RBFOX1: variants seen among roughly 807,000 people sequenced by gnomAD.
RBFOX1 encodes the protein RNA binding fox-1 homolog 1.
Under a neutral mutation model 57.7 loss-of-function variants are expected in RBFOX1, and 8 were observed. That is an observed-to-expected ratio of 0.14 (90% CI 0.08 to 0.25). The LOEUF (loss-of-function observed/expected upper bound fraction) is 0.25. RBFOX1 is among the 10% of genes least tolerant of loss of function. The pLI is 1.00. For missense variants in RBFOX1, 611 were observed against 548.5 expected (o/e 1.11, Z -1.14); for synonymous variants, 326 against 222.4 (o/e 1.47, Z -4.15).
intron 3 of RBFOX1, among the ~76,000 whole-genome samples, chr16:6,980,549 A>G (rs965012876): frequency 6.6e-6 from 1 of 152,366 alleles, no homozygotes; most frequent in South Asian, 2.1e-4. Flanking sequence ...CTAACATTTG[A>G]CATGAGAATC....
At chr16:5,460,703 G>A (rs1034041466) in intron 1 of RBFOX1, among the ~76,000 whole-genome samples, 1 of 152,208 alleles carries the variant, frequency 6.6e-6, no homozygotes, top group Non-Finnish European at 1.5e-5. Context: ...AGGGCTGACT[G>A]CTGTTTCCTC....
At chr16:6,382,635 A>G (rs191627419) in intron 2 of RBFOX1, among the ~76,000 whole-genome samples, 1 of 152,086 alleles carries the variant, frequency 6.6e-6, no homozygotes, top group South Asian at 2.1e-4. Context: ...TGAGGCGGGC[A>G]GATCATCTGA....
At chr16:7,555,535 G>T (rs1324896389) in intron 5 of RBFOX1, among the ~76,000 whole-genome samples, 1 of 152,190 alleles carries the variant, frequency 6.6e-6, no homozygotes, top group Non-Finnish European at 1.5e-5. Flanking sequence ...AGTTAAAAAA[G>T]ATTTTTTGTT....
chr16:7,257,160 A>C (rs1290289420), intron 4 of RBFOX1, among the ~76,000 whole-genome samples: 1 of 152,136 alleles, frequency 6.6e-6, no homozygotes, highest in East Asian at 1.9e-4. Context: ...TTTCCGGTCC[A>C]ACTGTTTCTC....
intron 1 of RBFOX1, among the ~76,000 whole-genome samples, chr16:6,312,582 G>A (rs749696349): frequency 1.3e-5 from 2 of 152,136 alleles, no homozygotes; most frequent in Admixed American, 6.5e-5. Flanking sequence ...AGATGGGGAA[G>A]GGAAATGACT....
chr16:6,749,775 A>G (rs1273456412), intron 3 of RBFOX1, among the ~76,000 whole-genome samples: 1 of 152,214 alleles, frequency 6.6e-6, no homozygotes, highest in Non-Finnish European at 1.5e-5. Context: ...TTAACAGAGC[A>G]GCCTTATGAT....
intron 3 of RBFOX1, among the ~76,000 whole-genome samples, chr16:5,854,173 T>C (rs1358876707): frequency 1.3e-5 from 2 of 152,206 alleles, no homozygotes; most frequent in African/African-American, 4.8e-5. Context: ...ATAGTTATGA[T>C]TTGAGTGTGC....
intron 3 of RBFOX1, among the ~76,000 whole-genome samples, chr16:6,889,054 T>C (rs2064815633): frequency 6.6e-6 from 1 of 152,204 alleles, no homozygotes; most frequent in Non-Finnish European, 1.5e-5. Flanking sequence ...AATTTGATTG[T>C]ATTTTTTCCC....
At chr16:6,963,753 C>A (rs2083491500) in intron 3 of RBFOX1, among the ~76,000 whole-genome samples, 1 of 152,046 alleles carries the variant, frequency 6.6e-6, no homozygotes, top group Non-Finnish European at 1.5e-5. Context: ...GGCTGGAGTG[C>A]ATTGGCGCGA....
At chr16:6,254,529 T>C (rs2097648438) in intron 1 of RBFOX1, among the ~76,000 whole-genome samples, 2 of 152,184 alleles carry the variant, frequency 1.3e-5, no homozygotes, top group African/African-American at 4.8e-5. Flanking sequence ...CCCAAGGTCA[T>C]ACCATCTTGG....
At chr16:7,032,044 T>C (rs7196887) in intron 3 of RBFOX1, among the ~76,000 whole-genome samples, 22,579 of 152,134 alleles carry the variant, frequency 0.15, 3,152 homozygotes, top group African/African-American at 0.35. Context: ...TTCTCCTTTG[T>C]ATTTAGTGGC....
intron 3 of RBFOX1, among the ~76,000 whole-genome samples, chr16:5,621,070 G>C (rs1271140614): frequency 1.3e-5 from 2 of 152,184 alleles, no homozygotes; most frequent in African/African-American, 4.8e-5. Flanking sequence ...TTGATGTCCT[G>C]ACCTCGTGAT....
At chr16:5,830,098 C>A (rs775399877) in intron 3 of RBFOX1, among the ~76,000 whole-genome samples, 62 of 152,208 alleles carry the variant, frequency 4.1e-4, no homozygotes, top group Non-Finnish European at 1.6e-4. Flanking sequence ...GATTGTCTAG[C>A]ATCCATCTTG....
In RBFOX1 at chr16:6,270,833, A is replaced by G. The variant is rs932117364; in HGVS notation, c.-126-46162A>G. ...AAACAAAGTTTAACAAATTTAAAAT[A>G]ATTGAAATGATACAGTGACCACAAT... On this transcript the variant is annotated intron_variant, in intron 1 of 15. Coordinates refer to ENST00000550418, the MANE Select transcript of RBFOX1 (RefSeq NM_018723.4). Among the ~76,000 whole-genome samples the G allele has an allele frequency of 2.0e-5, 3 of 152,194 alleles. No individual in the cohort carries two copies. In the South Asian group the frequency reaches 6.2e-4, roughly 31 times the overall value.
intron 1 of RBFOX1, among the ~76,000 whole-genome samples, chr16:5,365,283 C>G (rs550017202): frequency 1.3e-5 from 2 of 151,064 alleles, no homozygotes; most frequent in East Asian, 3.9e-4. Context: ...TGTAGATTCT[C>G]TTGAAAAATG....
intron 4 of RBFOX1, among the ~76,000 whole-genome samples, chr16:7,244,604 G>C (rs2094213281): frequency 6.6e-6 from 1 of 152,188 alleles, no homozygotes; most frequent in African/African-American, 2.4e-5. Flanking sequence ...AATGGGGTTG[G>C]CCTAGGGCTC....
intron 3 of RBFOX1, among the ~76,000 whole-genome samples, chr16:6,887,186 C>T (rs146460312): frequency 6.6e-6 from 1 of 152,162 alleles, no homozygotes; most frequent in Non-Finnish European, 1.5e-5. Flanking sequence ...CTCTTTAGCA[C>T]TTCTTCCTCC....
chr16:5,450,590 T>G (rs1049990347), intron 1 of RBFOX1, among the ~76,000 whole-genome samples: 1 of 152,136 alleles, frequency 6.6e-6, no homozygotes, highest in Non-Finnish European at 1.5e-5. Context: ...GTGTACTGTT[T>G]TGCTTGGATT....
chr16:6,645,953 T>G (rs1005624573), intron 2 of RBFOX1, among the ~76,000 whole-genome samples: 7 of 152,148 alleles, frequency 4.6e-5, no homozygotes, highest in African/African-American at 1.7e-4. Flanking sequence ...AGTGTGATTC[T>G]GCTATCTGTG....
Sources: gnomAD v4.1 joint callset for allele counts (sites outside exome capture counted in the v4.1 genomes callset) on GRCh38, gnomAD v4.1.1 for gene constraint, MANE v1.5 for transcripts, NCBI Gene and HGNC (gene_info 2026-07-23, HGNC 2026-07-21) for gene names.